The following PSMD7 variants were observed in gnomAD, a reference collection of about 807,000 sequenced individuals.
PSMD7 encodes 26S proteasome non-ATPase regulatory subunit 7.
In PSMD7, 13 loss-of-function variants were observed where a neutral mutation model predicts 36.4. The ratio of observed to expected loss-of-function variants is 0.36; its 90% CI spans 0.23 to 0.57. The LOEUF (loss-of-function observed/expected upper bound fraction) is 0.57, where lower values mean the gene tolerates loss of function less well. Among genes scored for constraint, PSMD7 ranks in the 20% least tolerant of loss-of-function variants. PSMD7 has a pLI of 0.83. For synonymous variants in PSMD7, 186 were observed against 151.0 expected, an observed-to-expected ratio of 1.23 and a Z score of -1.70; for missense variants, 298 against 393.6, an observed-to-expected ratio of 0.76 and a Z score of 2.06.
intron 1 of PSMD7, among the ~76,000 whole-genome samples, chr16:74,298,330 A>G (rs901177208): frequency 6.6e-6 from 1 of 152,144 alleles, no homozygotes; most frequent in Non-Finnish European, 1.5e-5. Context: ...TAAGTTTTAC[A>G]AGATTGTTAG....
In PSMD7 at chr16:74,304,386, C is replaced by G. The variant is rs1283057278; in HGVS notation, c.522C>G (p.His174Gln). ...AEEAEEVGVE[H>Q]LLRDIKDTTV... is the part of the protein sequence containing the mutation. The stretch of plus-strand genomic sequence containing the variant: ...AAGCTGAGGAAGTTGGAGTTGAACA[C>G]TTGTTACGGTGAGACCCTAGTACAG... The change falls in exon 6 of 7, where the codon CAC becomes CAG. Residue 174 changes from histidine (H) to glutamine (Q), a missense_variant. Coordinates refer to ENST00000219313, the MANE Select transcript of PSMD7 (RefSeq NM_002811.5). The G allele has an allele frequency of 6.2e-7, 1 of 1,613,270 alleles. No individual in the cohort carries two copies. The highest frequency in any genetic ancestry group is 1.1e-5 in the South Asian group (1 of 91,060).
At position 74,300,028 on chromosome 16, in the gene PSMD7, C is replaced by T. The variant is rs147192638; in HGVS notation, c.75-87C>T. The T allele has an allele frequency of 6.7e-4, 759 of 1,141,192 alleles. 3 individuals are homozygous for T. Among genetic ancestry groups the T allele is most frequent in the Middle Eastern group, 2.5e-3 (12 of 4,884 alleles). The allele number at this position is 1,141,192 out of a possible 1,614,324, so 70.7% of individuals were successfully genotyped here. On this transcript the variant is annotated intron_variant, in intron 1 of 6. Transcript: ENST00000219313. ...CAGGTAAACTAAATTGTATCTGTGC[C>T]ATTGATATTTCCCATTGAGTATCTT...
At chr16:74,303,860 T>G (rs895216299) in intron 5 of PSMD7, 1 of 155,358 alleles carries the variant, frequency 6.4e-6, no homozygotes, top group Non-Finnish European at 1.4e-5. Context: ...TAGCTGGGAT[T>G]ACAGGCGCCC....
intron 1 of PSMD7, 34 bp from the exon 2 acceptor site, chr16:74,300,081 C>A: frequency 6.4e-7 from 1 of 1,562,200 alleles, no homozygotes; most frequent in Non-Finnish European, 8.8e-7. Context: ...TCTGTGCGAG[C>A]CTATCCACAC....
At chr16:74,298,460 C>T (rs1460370249) in intron 1 of PSMD7, among the ~76,000 whole-genome samples, 1 of 152,116 alleles carries the variant, frequency 6.6e-6, no homozygotes, top group Non-Finnish European at 1.5e-5. Context: ...GGAAAAGGAC[C>T]CTCAGCCTAG....
intron 5 of PSMD7, 49 bp downstream of exon 5, chr16:74,302,341 G>T: frequency 7.0e-7 from 1 of 1,422,842 alleles, no homozygotes; most frequent in Admixed American, 2.0e-5. Flanking sequence ...TACTTATTGG[G>T]TGATTAGCTT....
In PSMD7 at chr16:74,305,742, TTAAA is replaced by T. The variant is rs1458699543; in HGVS notation, c.*12_*15del. On this transcript the variant is annotated 3_prime_UTR_variant, in exon 7 of 7. Transcript: ENST00000219313. ...AAAAGGAGAAAAAGTAAAACATGTA[TTAAA>T]TAGCTTTTTTAATTTGTAAATTAAA... 8 of 1,413,392 alleles carry T rather than the reference TTAAA, an allele frequency of 5.7e-6. No individual in the cohort carries two copies. In the South Asian group the frequency reaches 1.3e-4, roughly 24 times the overall value. The allele number at this position is 1,413,392 out of a possible 1,614,324, so 87.6% of individuals were successfully genotyped here. A position where few individuals can be genotyped will look rare whatever the true frequency, so the allele number is the denominator to read the frequency against.
intron 6 of PSMD7, chr16:74,305,051 C>T: frequency 1.9e-6 from 1 of 540,168 alleles, no homozygotes; most frequent in Middle Eastern, 5.4e-4. Flanking sequence ...TTTTAGCTCC[C>T]TTTTATAATT....
chr16:74,305,516 C>T lies in PSMD7; in HGVS notation c.758C>T (p.Thr253Ile). ...QEFVKAFYLK[T>I]NDQMVVVYLA... ...TTCGTCAAGGCCTTTTACCTGAAGA[C>T]CAATGACCAGATGGTGGTAGTGTAC... Residue 253 changes from threonine (T) to isoleucine (I), a missense_variant, in exon 7 of 7, where the codon ACC becomes ATC. By Grantham distance (89) the Thr-to-Ile change is moderately conservative. Coordinates refer to ENST00000219313, the MANE Select transcript of PSMD7 (RefSeq NM_002811.5). 6.2e-7 allele frequency: 1 copy of T among 1,614,148 alleles called. No individual in the cohort carries two copies. The highest frequency in any genetic ancestry group is 1.1e-5 in the South Asian group (1 of 91,082).
chr16:74,304,486 G>A, intron 6 of PSMD7, 92 bp downstream of exon 6: 1 of 1,153,190 alleles, frequency 8.7e-7, no homozygotes, highest in Non-Finnish European at 1.3e-6. Context: ...GGAGACCTGG[G>A]GTCTCGTCCT....
chr16:74,296,814 G>A lies in PSMD7; in HGVS notation c.-101G>A, dbSNP rs1597116870. 3.8e-6 allele frequency: 5 copies of A among 1,304,570 alleles called. No homozygotes were observed. Among genetic ancestry groups the A allele is most frequent in the East Asian group, 2.5e-5 (1 of 40,730 alleles). 80.8% of individuals were successfully genotyped at this position (1,304,570 alleles called of 1,614,324 possible). ...GAGGCCGCGCGAGGGCTGACGAACCGGAAGAAGAGGAACTGGGCCTGAAAG... is the reference window on the plus strand; with the variant it reads ...GAGGCCGCGCGAGGGCTGACGAACCAGAAGAAGAGGAACTGGGCCTGAAAG... On this transcript the variant is annotated 5_prime_UTR_variant, in exon 1 of 7. Coordinates refer to ENST00000219313, the MANE Select transcript of PSMD7 (RefSeq NM_002811.5).
chr16:74,300,145 T>C lies in PSMD7; in HGVS notation c.105T>C (p.Val35=). ...GCAAGGTTGGAAACCAGAAGCGTGT[T>C]GTTGGTGTGCTTTTGGGGTCATGGC... ...RIGKVGNQKR[V]VGVLLGSWQK... Residue 35 remains valine (V), a synonymous_variant, in exon 2 of 7, where the codon GTT becomes GTC. Coordinates refer to ENST00000219313, the MANE Select transcript of PSMD7 (RefSeq NM_002811.5). 2 of 1,614,212 alleles carry C rather than the reference T, an allele frequency of 1.2e-6. No individual in the cohort carries two copies. The highest frequency in any genetic ancestry group is 1.7e-5 in the Admixed American group (1 of 60,028).
intron 2 of PSMD7, 86 bp downstream of exon 2, chr16:74,300,292 A>T: frequency 8.3e-7 from 1 of 1,199,534 alleles, no homozygotes; most frequent in Non-Finnish European, 1.2e-6. Flanking sequence ...ACCGCTTTTG[A>T]CTACAACCCA....
intron 1 of PSMD7, chr16:74,299,771 T>C: frequency 2.7e-6 from 1 of 366,850 alleles, no homozygotes; most frequent in Non-Finnish European, 5.2e-6. Flanking sequence ...AAAGAAAAAG[T>C]AAAGTTAAAT....
At position 74,304,964 on chromosome 16, in the gene PSMD7, G is replaced by A. The variant is rs912631831; in HGVS notation, c.531-325G>A. On this transcript the variant is annotated intron_variant, in intron 6 of 6. Transcript: ENST00000219313. ...GCTGAGAGAGACAGCTTCAGTACAA[G>A]GTTACCCAGAAAGTTATTGGTAGAT... 2.0e-4 allele frequency among the ~76,000 whole-genome samples: 30 copies of A among 152,122 alleles called. 1 individual carries two copies. The highest frequency in any genetic ancestry group is 2.9e-5 in the Non-Finnish European group (2 of 68,026).
intron 1 of PSMD7, among the ~76,000 whole-genome samples, chr16:74,298,875 A>G (rs1326387403): frequency 6.6e-6 from 1 of 152,176 alleles, no homozygotes; most frequent in Non-Finnish European, 1.5e-5. Flanking sequence ...CCCTGTCTCA[A>G]AAACAAAGAA....
chr16:74,300,446 T>C (rs2142562661), intron 2 of PSMD7: 2 of 526,728 alleles, frequency 3.8e-6, no homozygotes, highest in East Asian at 6.4e-5. Context: ...AGAGCTGCTA[T>C]AGACAACATG....
chr16:74,297,119 G>C (rs925459892), intron 1 of PSMD7, 131 bp downstream of exon 1: 4 of 959,168 alleles, frequency 4.2e-6, no homozygotes, highest in Non-Finnish European at 3.2e-6. Context: ...ACTTGTTCAC[G>C]AGTCCAGACC....
chr16:74,300,789 A>C (rs531604653), intron 2 of PSMD7, among the ~76,000 whole-genome samples: 8 of 152,308 alleles, frequency 5.3e-5, no homozygotes, highest in Non-Finnish European at 1.0e-4. Flanking sequence ...ACTGAAAAGC[A>C]TGTGTCTTTT....
Sources: allele counts gnomAD v4.1 joint callset (sites outside exome capture counted in the v4.1 genomes callset), GRCh38; gene constraint gnomAD v4.1.1; transcripts MANE v1.5; gene names NCBI Gene and HGNC (gene_info 2026-07-23, HGNC 2026-07-21).